Variants in TGFBI observed in about 807,000 individuals in gnomAD.
The protein encoded by TGFBI is transforming growth factor beta induced.
In TGFBI, 50 loss-of-function variants were observed where a neutral mutation model predicts 73.7. The observed-to-expected ratio is 0.68, with a 90% CI of 0.54 to 0.86. The LOEUF is 0.86. Among genes scored for constraint, TGFBI ranks in the 40% least tolerant of loss-of-function variants. The probability of loss-of-function intolerance (pLI) is 0.00; values close to 1 mark genes in which losing one functional copy is unlikely to be tolerated. For missense variants in TGFBI, 839 were observed against 877.0 expected (o/e 0.96, Z 0.55); for synonymous variants, 362 against 360.5 (o/e 1.00, Z -0.05).
Position 136,061,565 on chromosome 5 carries a change from T to C in TGFBI, c.1972T>C (p.Ser658Pro). ...DSALEIFKQA[S>P]AFSRASQRSV... ...TGCGCTTGAGATCTTCAAACAAGCA[T>C]CAGCGTTTTCCAGGGTAAGATGCCT... is the stretch of plus-strand genomic sequence containing the variant. Residue 658 changes from serine to proline, a missense_variant, in exon 15 of 17, where the codon TCA becomes CCA. By Grantham distance (74) the Ser-to-Pro change is moderately conservative (BLOSUM62 -1). Transcript: ENST00000442011. 1 of 1,613,550 alleles carries C rather than the reference T, an allele frequency of 6.2e-7. No homozygotes were observed. Among genetic ancestry groups the C allele is most frequent in the African/African-American group, 1.3e-5 (1 of 75,050 alleles).
intron 1 of TGFBI, among the ~76,000 whole-genome samples, chr5:136,031,870 G>A (rs565726304): frequency 5.3e-5 from 8 of 152,222 alleles, no homozygotes; most frequent in African/African-American, 1.4e-4. Flanking sequence ...GGTCACAGCC[G>A]CCCCCAGCCT....
intron 9 of TGFBI, among the ~76,000 whole-genome samples, chr5:136,054,425 G>A (rs1324359766): frequency 6.6e-6 from 1 of 152,184 alleles, no homozygotes; most frequent in Non-Finnish European, 1.5e-5. Context: ...AGGTCAGAGT[G>A]AGGGTACAGC....
At chr5:136,051,665 G>A (rs1051753505) in intron 7 of TGFBI, among the ~76,000 whole-genome samples, 10 of 152,292 alleles carry the variant, frequency 6.6e-5, no homozygotes, top group Non-Finnish European at 1.2e-4. Flanking sequence ...AGGCAGGCAG[G>A]CGAGAAGCAG....
At chr5:136,061,612 A>C in intron 15 of TGFBI, 33 bp downstream of exon 15, 1 of 1,582,012 alleles carries the variant, frequency 6.3e-7, no homozygotes, top group Non-Finnish European at 8.7e-7. Context: ...GCCTAGCCTG[A>C]GCAGCCTCAG....
At chr5:136,029,239 C>T (rs1028957016) in intron 1 of TGFBI, 50 bp downstream of exon 1, 49 of 1,420,262 alleles carry the variant, frequency 3.5e-5, no homozygotes, top group Non-Finnish European at 4.4e-5. Flanking sequence ...GTAGTCGGGG[C>T]TCGGAGCGCA....
At chr5:136,051,381 G>T (rs1029831807) in intron 7 of TGFBI, among the ~76,000 whole-genome samples, 2 of 152,104 alleles carry the variant, frequency 1.3e-5, no homozygotes, top group Admixed American at 1.3e-4. Flanking sequence ...AATAAGCCCA[G>T]ATCATGCCAC....
chr5:136,063,656 C>A lies in TGFBI; in HGVS notation c.*430C>A. ...GCTGGAGAAATGGCATCATTATAAGCTATGAGTTGAAATGTTCTGTCAAAT... is the reference window on the plus strand; with the variant it reads ...GCTGGAGAAATGGCATCATTATAAGATATGAGTTGAAATGTTCTGTCAAAT... On this transcript the variant is annotated 3_prime_UTR_variant, in exon 17 of 17. Coordinates refer to ENST00000442011, the MANE Select transcript of TGFBI (RefSeq NM_000358.3). 5.5e-6 allele frequency: 1 copy of A among 180,276 alleles called. No individual in the cohort carries two copies. The highest frequency in any genetic ancestry group is 5.8e-5 in the Admixed American group (1 of 17,368). 11.2% of individuals were successfully genotyped at this position (180,276 alleles called of 1,614,324 possible).
chr5:136,051,800 A>G (rs76211915), intron 7 of TGFBI, among the ~76,000 whole-genome samples: 3,242 of 152,318 alleles, frequency 0.021, 119 homozygotes, highest in African/African-American at 0.075. Context: ...TAAGAAGCTC[A>G]ATCCCCAAGG....
At chr5:136,049,204 G>T in intron 6 of TGFBI, 1 of 481,588 alleles carries the variant, frequency 2.1e-6, no homozygotes, top group African/African-American at 1.9e-5. Context: ...TTGGGGGCAG[G>T]AAGAGGAAAG....
intron 7 of TGFBI, among the ~76,000 whole-genome samples, chr5:136,050,624 G>A (rs990832433): frequency 1.3e-5 from 2 of 152,194 alleles, no homozygotes; most frequent in African/African-American, 4.8e-5. Context: ...GGTCTCTGAT[G>A]TACCCCACCA....
At chr5:136,062,590 G>A (rs3749782) in intron 15 of TGFBI, 73 bp from the exon 16 acceptor site, 277,046 of 1,485,760 alleles carry the variant, frequency 0.19, 26,618 homozygotes, top group African/African-American at 0.22. Flanking sequence ...GTGGCAATGG[G>A]CAAAGCCATT....
chr5:136,054,983 G>A, intron 10 of TGFBI, 122 bp downstream of exon 10: 1 of 1,214,190 alleles, frequency 8.2e-7, no homozygotes, highest in Non-Finnish European at 1.2e-6. Context: ...TGACAAGGAA[G>A]GAAATAATTT....
chr5:136,059,701 A>G lies in TGFBI; in HGVS notation c.1803+487A>G, dbSNP rs140363423. On this transcript the variant is annotated intron_variant, in intron 13 of 16. Coordinates refer to ENST00000442011, the MANE Select transcript of TGFBI (RefSeq NM_000358.3). Reference sequence around the variant, plus strand: ...ACTGCACTAAGAGTGTTCCTAAAGCAGATAGCCAGCCGAGCTCCAGAAATC... The same window carrying G: ...ACTGCACTAAGAGTGTTCCTAAAGCGGATAGCCAGCCGAGCTCCAGAAATC... 4.8e-3 allele frequency among the ~76,000 whole-genome samples: 727 copies of G among 152,304 alleles called. 4 individuals carry two copies. The highest frequency in any genetic ancestry group is 0.016 in the African/African-American group (676 of 41,578).
chr5:136,036,739 A>G (rs1219047838), intron 2 of TGFBI, among the ~76,000 whole-genome samples: 2 of 152,152 alleles, frequency 1.3e-5, no homozygotes, highest in Non-Finnish European at 2.9e-5. Context: ...AGACTGGGAA[A>G]TGGGAGCACA....
chr5:136,029,183 A>C lies in TGFBI; in HGVS notation c.128A>C (p.Gln43Pro). Reference protein sequence around the residue: ...VLQHSRLRGRQHGPNVCAVQK... With the variant: ...VLQHSRLRGRPHGPNVCAVQK... ...CAGCACAGCAGGCTCCGGGGCCGCC[A>C]GCACGGGTAAGCCGAGCCGCCTGGC... The change falls in exon 1 of 17, where the codon CAG (glutamine) becomes CCG (proline). Residue 43 changes from glutamine (Q) to proline (P), a missense_variant. Physicochemically the swap from Gln to Pro is moderately conservative, Grantham distance 76. Coordinates refer to ENST00000442011, the MANE Select transcript of TGFBI (RefSeq NM_000358.3). 1 of 1,501,416 alleles carries C rather than the reference A, an allele frequency of 6.7e-7. No homozygotes were observed. 93.0% of individuals were successfully genotyped at this position (1,501,416 alleles called of 1,614,324 possible).
At chr5:136,061,015 C>A in intron 14 of TGFBI, 79 bp downstream of exon 14, 1 of 1,023,246 alleles carries the variant, frequency 9.8e-7, no homozygotes, top group Non-Finnish European at 1.4e-6. Context: ...AAAAACTGTT[C>A]TAAACAATGA....
At chr5:136,031,443 G>A (rs1006236466) in intron 1 of TGFBI, among the ~76,000 whole-genome samples, 3 of 152,240 alleles carry the variant, frequency 2.0e-5, no homozygotes, top group East Asian at 1.9e-4. Context: ...CGCAGCACTC[G>A]ATTGCCGCTT....
intron 2 of TGFBI, among the ~76,000 whole-genome samples, chr5:136,043,391 T>C (rs993434460): frequency 7.9e-5 from 12 of 152,270 alleles, no homozygotes; most frequent in African/African-American, 1.4e-4. Context: ...TTGATTACTT[T>C]TTTTATTTAA....
At chr5:136,038,279 G>GTCCAC (rs1751265845) in intron 2 of TGFBI, among the ~76,000 whole-genome samples, 1 of 152,192 alleles carries the variant, frequency 6.6e-6, no homozygotes. Context: ...TCCCAAAAAT[G>GTCCAC]TCCACATCCT....
Sources: allele counts gnomAD v4.1 joint callset (sites outside exome capture counted in the v4.1 genomes callset), GRCh38; gene constraint gnomAD v4.1.1; transcripts MANE v1.5; gene names NCBI Gene and HGNC (gene_info 2026-07-23, HGNC 2026-07-21).